The following CNBD1 variants were observed in gnomAD, a reference collection of about 807,000 sequenced individuals.
CNBD1 encodes cyclic nucleotide-binding domain-containing protein 1.
A neutral mutation model predicts 54.4 loss-of-function variants in CNBD1; 71 were observed. The ratio of observed to expected loss-of-function variants is 1.30; its 90% CI spans 1.08 to 1.59. CNBD1 has a LOEUF of 1.59. Among genes scored for constraint, CNBD1 ranks in the 40% most tolerant of loss-of-function variants. The pLI, the probability that CNBD1 is intolerant of heterozygous loss-of-function variation, is 0.00. For missense variants in CNBD1, 659 were observed against 518.0 expected, an observed-to-expected ratio of 1.27 and a Z score of -2.64; for synonymous variants, 182 against 170.7, an observed-to-expected ratio of 1.07 and a Z score of -0.51.
chr8:87,165,489 T>A lies in CNBD1; in HGVS notation c.432-40504T>A, dbSNP rs1296150697. On this transcript the variant is annotated intron_variant, in intron 4 of 10. Coordinates refer to ENST00000518476, the MANE Select transcript of CNBD1 (RefSeq NM_173538.3). ...TGTCCTCTCAATGGATCGACACTTT[T>A]GTTATTATAAAATGACCTTGTTTGT... Among the ~76,000 whole-genome samples, 6 of 152,140 alleles carry A rather than the reference T, an allele frequency of 3.9e-5. 1 individual carries two copies. The East Asian group carries it at 9.7e-4, about 25-fold the overall frequency.
chr8:87,215,421 C>G (rs1023856656), intron 5 of CNBD1, among the ~76,000 whole-genome samples: 3 of 151,828 alleles, frequency 2.0e-5, no homozygotes, highest in Admixed American at 6.6e-5. Flanking sequence ...CCTGTCCCTA[C>G]TAAAAAAATA....
chr8:87,152,146 T>TA (rs926253917), intron 4 of CNBD1, among the ~76,000 whole-genome samples: 8 of 151,912 alleles, frequency 5.3e-5, no homozygotes, highest in East Asian at 1.9e-4. Flanking sequence ...TGAAAAAAAT[T>TA]AAAAAAACCT....
At chr8:87,176,298 C>G (rs987681530) in intron 4 of CNBD1, among the ~76,000 whole-genome samples, 3 of 152,154 alleles carry the variant, frequency 2.0e-5, no homozygotes, top group African/African-American at 7.2e-5. Flanking sequence ...TCTCCCCCCT[C>G]TGTATATCTT....
intron 4 of CNBD1, among the ~76,000 whole-genome samples, chr8:86,969,990 T>C: frequency 6.6e-6 from 1 of 152,124 alleles, no homozygotes; most frequent in South Asian, 2.1e-4. Flanking sequence ...GGTCTGCTGA[T>C]GGCAAATTCT....
intron 4 of CNBD1, among the ~76,000 whole-genome samples, chr8:86,997,080 G>T (rs1808891370): frequency 6.6e-6 from 1 of 152,026 alleles, no homozygotes. Context: ...TATTTGGAGG[G>T]GATCACAAAC....
intron 5 of CNBD1, among the ~76,000 whole-genome samples, chr8:87,226,871 A>G (rs141845661): frequency 0.065 from 9,633 of 148,690 alleles, 1,023 homozygotes; most frequent in African/African-American, 0.22. Flanking sequence ...ATGTGTGGGA[A>G]TCTGAGTCTC....
At position 86,913,271 on chromosome 8, in the gene CNBD1, T is replaced by C. The variant is rs543877052; in HGVS notation, c.272+8077T>C. Among the ~76,000 whole-genome samples the C allele has an allele frequency of 2.6e-5, 4 of 152,304 alleles. No homozygotes were observed. The East Asian group carries it at 7.7e-4, about 29-fold the overall frequency. ...CAGAGCAACTTCCACTACTGCAGGC[T>C]CCATTTAAGGGAAGTGCCCTTTACA... On this transcript the variant is annotated intron_variant, in intron 3 of 10. Coordinates refer to ENST00000518476, the MANE Select transcript of CNBD1 (RefSeq NM_173538.3).
chr8:87,418,517 T>C (rs986980909), intron 2 of CNBD1, among the ~76,000 whole-genome samples: 14 of 151,840 alleles, frequency 9.2e-5, no homozygotes, highest in Admixed American at 2.0e-4. Flanking sequence ...AACTGGACTT[T>C]ATACAAATTA....
intron 4 of CNBD1, among the ~76,000 whole-genome samples, chr8:87,042,253 A>G (rs1205629525): frequency 6.6e-6 from 1 of 152,166 alleles, no homozygotes; most frequent in Non-Finnish European, 1.5e-5. Context: ...ATCCCAGTGG[A>G]GAAATTGCTT....
intron 10 of CNBD1, among the ~76,000 whole-genome samples, chr8:87,377,368 G>A (rs1810970772): frequency 7.0e-6 from 1 of 143,846 alleles, no homozygotes; most frequent in South Asian, 2.1e-4. Flanking sequence ...TGTTCTCCTT[G>A]TTCAATTCCC....
At position 87,424,191 on chromosome 8, in the gene CNBD1, G is replaced by A. The variant is rs183935124; in HGVS notation, c.214-4355G>A. Among the ~76,000 whole-genome samples, 278 of 151,908 alleles carry A rather than the reference G, an allele frequency of 1.8e-3. 1 individual carries two copies. Among genetic ancestry groups the A allele is most frequent in the African/African-American group, 6.2e-3 (256 of 41,360 alleles). On this transcript the variant is annotated intron_variant, in intron 2 of 7. Transcript: ENST00000521593. ...TTTTTTCTTTATTAGTCTTGCTAGC[G>A]GTCTATCTATTTTGTTGATCCTTTC...
intron 4 of CNBD1, among the ~76,000 whole-genome samples, chr8:87,199,522 A>AT (rs1342031930): frequency 6.6e-6 from 1 of 152,128 alleles, no homozygotes; most frequent in African/African-American, 2.4e-5. Context: ...CTTTATTATT[A>AT]TTTTTTTGTG....
At chr8:86,979,323 T>C (rs1006596370) in intron 4 of CNBD1, among the ~76,000 whole-genome samples, 1 of 140,130 alleles carries the variant, frequency 7.1e-6, no homozygotes, top group Non-Finnish European at 1.5e-5. Context: ...CCTGGCTCTT[T>C]GGGAGGCCAA....
At chr8:86,944,832 T>TA (rs1182803502) in intron 4 of CNBD1, among the ~76,000 whole-genome samples, 1 of 152,200 alleles carries the variant, frequency 6.6e-6, no homozygotes, top group East Asian at 1.9e-4. Context: ...AGTGACCTGT[T>TA]AGAGTGCTGT....
intron 4 of CNBD1, among the ~76,000 whole-genome samples, chr8:86,999,760 A>T (rs967581818): frequency 6.6e-6 from 1 of 152,172 alleles, no homozygotes; most frequent in African/African-American, 2.4e-5. Context: ...CTTGAGATAA[A>T]ATTGGATATT....
At chr8:87,395,792 G>A (rs1371384443) in intron 2 of CNBD1, among the ~76,000 whole-genome samples, 1 of 151,842 alleles carries the variant, frequency 6.6e-6, no homozygotes, top group African/African-American at 2.4e-5. Context: ...TCATGGGAGG[G>A]ACCTGGTGAG....
chr8:86,944,602 T>C (rs1345939210), intron 4 of CNBD1, among the ~76,000 whole-genome samples: 1 of 152,088 alleles, frequency 6.6e-6, no homozygotes, highest in Non-Finnish European at 1.5e-5. Context: ...AAAAACAAAT[T>C]ACAAAAAATA....
chr8:87,367,065 C>T (rs571117654), intron 10 of CNBD1, among the ~76,000 whole-genome samples: 5 of 151,948 alleles, frequency 3.3e-5, no homozygotes, highest in Admixed American at 6.6e-5. Context: ...CTCCCAGCCT[C>T]CTCTCTCACT....
intron 4 of CNBD1, among the ~76,000 whole-genome samples, chr8:87,101,395 A>G (rs1021239920): frequency 3.9e-5 from 6 of 152,084 alleles, no homozygotes; most frequent in African/African-American, 1.4e-4. Context: ...AAAAGCAGGC[A>G]TTTCACAAAT....
Sources: gnomAD v4.1 joint callset for allele counts (sites outside exome capture counted in the v4.1 genomes callset) on GRCh38, gnomAD v4.1.1 for gene constraint, MANE v1.5 for transcripts, NCBI Gene and HGNC (gene_info 2026-07-23, HGNC 2026-07-21) for gene names.